The following RGS3 variants were observed in gnomAD, a reference collection of about 807,000 sequenced individuals.
RGS3 encodes regulator of G-protein signalling 3.
In RGS3, 80 loss-of-function variants were observed where a neutral mutation model predicts 132.6. The observed-to-expected ratio is 0.60, with a 90% CI of 0.50 to 0.73. The LOEUF (loss-of-function observed/expected upper bound fraction) is 0.73, where lower values mean the gene tolerates loss of function less well. RGS3 is among the 30% of genes least tolerant of loss of function. The pLI is 0.00. For synonymous variants in RGS3, 598 were observed against 620.6 expected, an observed-to-expected ratio of 0.96 and a Z score of 0.54; for missense variants, 1,382 against 1,530.8, an observed-to-expected ratio of 0.90 and a Z score of 1.62.
intron 18 of RGS3, among the ~76,000 whole-genome samples, chr9:113,534,638 G>A (rs1832607670): frequency 6.8e-6 from 1 of 146,364 alleles, no homozygotes; most frequent in Admixed American, 6.8e-5. Flanking sequence ...TTTGAGACAA[G>A]GTCTGCCCTG....
intron 3 of RGS3, among the ~76,000 whole-genome samples, chr9:113,471,363 G>T (rs1829824526): frequency 6.6e-6 from 1 of 152,032 alleles, no homozygotes; most frequent in Admixed American, 6.5e-5. Flanking sequence ...AAACACCCCA[G>T]GAGGAAATTA....
chr9:113,568,758 C>T (rs1405941550), intron 19 of RGS3, among the ~76,000 whole-genome samples: 4 of 152,250 alleles, frequency 2.6e-5, no homozygotes, highest in Admixed American at 2.6e-4. Context: ...CTGCTTATGG[C>T]TCAGCCCCCT....
intron 19 of RGS3, among the ~76,000 whole-genome samples, chr9:113,560,071 A>G (rs999567493): frequency 3.9e-5 from 6 of 152,182 alleles, no homozygotes; most frequent in African/African-American, 1.4e-4. Flanking sequence ...CTTGCCCAGG[A>G]TAATTTACAC....
exon 20 of RGS3, chr9:113,583,969 G>A (rs991853800): frequency 1.2e-6 from 2 of 1,613,994 alleles, no homozygotes; most frequent in Non-Finnish European, 1.7e-6. Flanking sequence ...CCCCAGGCCA[G>A]CCTTCGTGAT....
chr9:113,544,299 G>GTTTTT (rs572535036), intron 19 of RGS3, among the ~76,000 whole-genome samples: 1 of 133,406 alleles, frequency 7.5e-6, no homozygotes. Context: ...CCATTTTCAT[G>GTTTTT]TTTTTTTTTT....
intron 14 of RGS3, among the ~76,000 whole-genome samples, chr9:113,511,100 CCCAGAGTGCCTGCCCGG>C (rs980319041): frequency 1.5e-4 from 23 of 152,170 alleles, no homozygotes; most frequent in Non-Finnish European, 2.6e-4. Flanking sequence ...CCTTCCGGAG[CCCAGAGTGCCTGCCCGG>C]CTGTGGTTGG....
At chr9:113,491,481 C>A (rs1351470502) in intron 7 of RGS3, among the ~76,000 whole-genome samples, 1 of 151,714 alleles carries the variant, frequency 6.6e-6, no homozygotes, top group Non-Finnish European at 1.5e-5. Flanking sequence ...CATCTCCTGA[C>A]CTCAGGTGAT....
At chr9:113,525,570 AGG>A in intron 17 of RGS3, among the ~76,000 whole-genome samples, 1 of 152,274 alleles carries the variant, frequency 6.6e-6, no homozygotes, top group Admixed American at 6.5e-5. Context: ...CATGACTCCT[AGG>A]TTTCTTATTT....
At chr9:113,553,285 T>TA (rs1833414905) in intron 19 of RGS3, among the ~76,000 whole-genome samples, 3 of 146,030 alleles carry the variant, frequency 2.1e-5, no homozygotes, top group South Asian at 4.4e-4. Context: ...CTACAAAAAA[T>TA]AAAAAAAATT....
At chr9:113,500,953 G>A (rs1219069692) in intron 10 of RGS3, among the ~76,000 whole-genome samples, 1 of 152,142 alleles carries the variant, frequency 6.6e-6, no homozygotes, top group Non-Finnish European at 1.5e-5. Context: ...GCCTCCCAAA[G>A]TGTTGAGATT....
intron 18 of RGS3, among the ~76,000 whole-genome samples, chr9:113,534,804 A>T (rs1428103269): frequency 6.6e-6 from 1 of 151,878 alleles, no homozygotes; most frequent in East Asian, 1.9e-4. Context: ...TTTGGTAGAG[A>T]CTGGGTCTCA....
intron 7 of RGS3, among the ~76,000 whole-genome samples, chr9:113,490,977 TA>T (rs1830497039): frequency 7.8e-6 from 1 of 128,660 alleles, no homozygotes; most frequent in East Asian, 2.1e-4. Context: ...ATATATAACT[TA>T]ATTATTATAT....
intron 19 of RGS3, among the ~76,000 whole-genome samples, chr9:113,557,788 G>C (rs899769565): frequency 6.6e-6 from 1 of 152,088 alleles, no homozygotes; most frequent in Non-Finnish European, 1.5e-5. Context: ...CTGAGGCAGG[G>C]GAGGCTTGGG....
rs1248892243 is a variant in RGS3 at position 113,594,807 on chromosome 9, G to C, written c.3183-112G>C. On this transcript the variant is annotated intron_variant, in intron 22 of 24. Coordinates refer to ENST00000350696, the Ensembl canonical transcript of RGS3. ...CCTCCTTCCTGGGCGCCCCAGCTGG[G>C]CTCAGCTGCAGACTGGGCCCAGGGC... 7.5e-6 allele frequency: 8 copies of C among 1,061,550 alleles called. 1 individual carries two copies. In the Middle Eastern group the frequency reaches 6.7e-4, roughly 89 times the overall value. 65.8% of individuals were successfully genotyped at this position (1,061,550 alleles called of 1,614,324 possible).
rs1831113861 is a variant in RGS3 at position 113,506,018 on chromosome 9, C to T, written c.980-370C>T. ...CACAAGGGTGGGCATGAGGTTCGTG[C>T]ACAATGATTGGCAGAGAAGGAATAA... On this transcript the variant is annotated intron_variant, in intron 11 of 24. Coordinates refer to ENST00000350696, the Ensembl canonical transcript of RGS3. The surrounding 1 kb of genome is among the most constrained non-coding windows in gnomAD (Gnocchi z 4.7). Among the ~76,000 whole-genome samples, 1 of 152,072 alleles carries T rather than the reference C, an allele frequency of 6.6e-6. No individual in the cohort carries two copies. The highest frequency in any genetic ancestry group is 2.1e-4 in the South Asian group (1 of 4,830).
chr9:113,575,676 G>A (rs773548113), intron 19 of RGS3, among the ~76,000 whole-genome samples: 31 of 152,200 alleles, frequency 2.0e-4, no homozygotes, highest in East Asian at 9.6e-4. Context: ...TGGGCCTCAC[G>A]TAACAGACAG....
Position 113,507,200 on chromosome 9 carries a change from T to G in RGS3, c.1086-87T>G. The stretch of plus-strand genomic sequence containing the variant: ...CTGGTGTCTGCCTCCTCTTCCCCCA[T>G]TATCCTCTCTGCCCTGTGGGCCCTC... On this transcript the variant is annotated intron_variant, in intron 12 of 24. Coordinates refer to ENST00000350696, the Ensembl canonical transcript of RGS3. This position sits in a 1 kb window ranked among gnomAD's most constrained non-coding sequence, Gnocchi z 5.0. 2 of 1,086,328 alleles carry G rather than the reference T, an allele frequency of 1.8e-6. No homozygotes were observed. Among genetic ancestry groups the G allele is most frequent in the Non-Finnish European group, 2.7e-6 (2 of 752,754 alleles). 67.3% of individuals were successfully genotyped at this position (1,086,328 alleles called of 1,614,324 possible). A position where few individuals can be genotyped will look rare whatever the true frequency, so the allele number is the denominator to read the frequency against.
intron 19 of RGS3, among the ~76,000 whole-genome samples, chr9:113,541,160 G>A (rs1174868811): frequency 6.6e-6 from 1 of 152,214 alleles, no homozygotes. Flanking sequence ...GTGACGGTGA[G>A]GTGCGTGCCA....
chr9:113,494,604 A>C (rs1403149784), intron 7 of RGS3, among the ~76,000 whole-genome samples: 1 of 152,166 alleles, frequency 6.6e-6, no homozygotes, highest in East Asian at 1.9e-4. Flanking sequence ...CTCCTACCTC[A>C]GCCTCCTCAG....
Sources: allele counts gnomAD v4.1 joint callset (sites outside exome capture counted in the v4.1 genomes callset), GRCh38; gene constraint gnomAD v4.1.1; non-coding constraint Gnocchi (gnomAD v3.1); transcripts MANE v1.5; gene names NCBI Gene and HGNC (gene_info 2026-07-23, HGNC 2026-07-21).